TSHZ2: variants seen among roughly 807,000 people sequenced by gnomAD.
TSHZ2 encodes teashirt zinc finger homeobox 2.
A neutral mutation model predicts 74.4 loss-of-function variants in TSHZ2; 21 were observed. The ratio of observed to expected loss-of-function variants is 0.28; its 90% CI spans 0.20 to 0.41. The LOEUF (loss-of-function observed/expected upper bound fraction) is 0.41. TSHZ2 is among the 10% of genes least tolerant of loss of function. The pLI, the probability that TSHZ2 is intolerant of heterozygous loss-of-function variation, is 1.00. For missense variants in TSHZ2, 1,244 were observed against 1,293.5 expected (o/e 0.96, Z 0.59); for synonymous variants, 540 against 515.3 (o/e 1.05, Z -0.65).
intron 1 of TSHZ2, among the ~76,000 whole-genome samples, chr20:53,032,934 G>A (rs759039811): frequency 7.2e-5 from 11 of 151,988 alleles, no homozygotes; most frequent in South Asian, 2.1e-4. Flanking sequence ...GATAATAATC[G>A]TTCATACCCA....
At chr20:53,200,240 C>A (rs1568808532) in intron 1 of TSHZ2, among the ~76,000 whole-genome samples, 1 of 152,160 alleles carries the variant, frequency 6.6e-6, no homozygotes, top group South Asian at 2.1e-4. Context: ...TGCCTCTCCT[C>A]CCTGCCACAG....
intron 2 of TSHZ2, among the ~76,000 whole-genome samples, chr20:53,274,082 C>A (rs185315850): frequency 2.0e-5 from 3 of 152,228 alleles, no homozygotes; most frequent in Admixed American, 6.5e-5. Context: ...AGATCGAGAC[C>A]ATCCTGGTGA....
At chr20:53,215,252 C>T (rs966900857) in intron 1 of TSHZ2, among the ~76,000 whole-genome samples, 4 of 152,096 alleles carry the variant, frequency 2.6e-5, no homozygotes, top group African/African-American at 9.7e-5. Flanking sequence ...CACATCATCC[C>T]AAGATCACAA....
intron 1 of TSHZ2, among the ~76,000 whole-genome samples, chr20:53,200,646 A>G (rs1988980907): frequency 6.7e-6 from 1 of 148,882 alleles, no homozygotes; most frequent in African/African-American, 2.5e-5. Context: ...GATTTGGGGG[A>G]TTTTTGTTTG....
intron 1 of TSHZ2, among the ~76,000 whole-genome samples, chr20:53,053,798 C>G (rs773491028): frequency 6.6e-6 from 1 of 152,170 alleles, no homozygotes; most frequent in African/African-American, 2.4e-5. Flanking sequence ...AAAGTCTGCT[C>G]AGGCTTTTAT....
At chr20:53,177,171 A>G (rs1336894945) in intron 1 of TSHZ2, among the ~76,000 whole-genome samples, 6 of 152,180 alleles carry the variant, frequency 3.9e-5, no homozygotes, top group Admixed American at 2.6e-4. Flanking sequence ...GGTGTGAACC[A>G]CTGCATCCAA....
At chr20:52,992,317 C>T (rs1982023741) in intron 1 of TSHZ2, among the ~76,000 whole-genome samples, 1 of 152,148 alleles carries the variant, frequency 6.6e-6, no homozygotes, top group African/African-American at 2.4e-5. Flanking sequence ...TATTTAGATA[C>T]CCCAGTTATT....
At chr20:53,457,769 A>G (rs370308560) in intron 2 of TSHZ2, among the ~76,000 whole-genome samples, 12 of 151,746 alleles carry the variant, frequency 7.9e-5, no homozygotes, top group East Asian at 3.9e-4. Flanking sequence ...TTAGCATGAA[A>G]GGTTGTTGAA....
chr20:53,256,585 C>G lies in TSHZ2; in HGVS notation c.*8+14C>G. Reference sequence around the variant, plus strand: ...ATAGCTCTGCAGGTATGGGTTTGCTCTGAGGCATTGCGATTAGCCTGGTGA... The same window carrying G: ...ATAGCTCTGCAGGTATGGGTTTGCTGTGAGGCATTGCGATTAGCCTGGTGA... On this transcript the variant is annotated intron_variant, in intron 2 of 2. Transcript: ENST00000371497. This position sits in a 1 kb window ranked among gnomAD's most constrained non-coding sequence, Gnocchi z 4.3. 1.3e-6 allele frequency: 2 copies of G among 1,548,014 alleles called. No homozygotes were observed. The highest frequency in any genetic ancestry group is 1.7e-6 in the Non-Finnish European group (2 of 1,143,310).
intron 1 of TSHZ2, among the ~76,000 whole-genome samples, chr20:53,071,794 AC>A (rs1273932730): frequency 6.6e-6 from 1 of 152,012 alleles, no homozygotes; most frequent in Non-Finnish European, 1.5e-5. Context: ...TCCCCTGAAT[AC>A]CCCTGGAGAG....
At chr20:53,190,167 A>G (rs1436016438) in intron 1 of TSHZ2, among the ~76,000 whole-genome samples, 1 of 123,162 alleles carries the variant, frequency 8.1e-6, no homozygotes, top group African/African-American at 3.0e-5. Flanking sequence ...TTCTTTTTGT[A>G]TATCGCTATC....
chr20:53,038,595 C>T (rs1983912974), intron 1 of TSHZ2, among the ~76,000 whole-genome samples: 1 of 152,176 alleles, frequency 6.6e-6, no homozygotes, highest in Non-Finnish European at 1.5e-5. Flanking sequence ...TTAGGTGCCT[C>T]CCCAAGCTCT....
rs57243805 is a variant in TSHZ2 at position 53,246,040 on chromosome 20, C to CTTTTTTTTTTTTTTTTTTTTTTTTTTT, written c.41-7446_41-7445insTTTTTTTTTTTTTTTTTTTTTTTTTTT. ...TGTGCTTTTCTTTCTTTCTTTCTTT[C>CTTTTTTTTTTTTTTTTTTTTTTTTTTT]TTTTTTTTTTTTTGTTTGAGACAGA... On this transcript the variant is annotated intron_variant, in intron 1 of 2. Transcript: ENST00000371497. Among the ~76,000 whole-genome samples, 141 of 130,542 alleles carry CTTTTTTTTTTTTTTTTTTTTTTTTTTT rather than the reference C, an allele frequency of 1.1e-3. 1 individual carries two copies. The highest frequency in any genetic ancestry group is 4.1e-3 in the Middle Eastern group (1 of 246). 85.6% of individuals were successfully genotyped at this position (130,542 alleles called of 152,430 possible). A position where few individuals can be genotyped will look rare whatever the true frequency, so the allele number is the denominator to read the frequency against.
In TSHZ2 at chr20:53,179,838, G is replaced by T. The variant is rs562448919; in HGVS notation, c.41-73661G>T. ...AAATGCCAGCTTTTTTATCGTCAAG[G>T]TAACGATAAGAGATTCACTAGAATT... is the stretch of plus-strand genomic sequence containing the variant. On this transcript the variant is annotated intron_variant, in intron 1 of 2. Transcript: ENST00000371497. Among the ~76,000 whole-genome samples, 25 of 152,212 alleles carry T rather than the reference G, an allele frequency of 1.6e-4. No homozygotes were observed. In the East Asian group the frequency reaches 4.6e-3, roughly 28 times the overall value.
chr20:53,206,083 G>C (rs1167995200), intron 1 of TSHZ2, among the ~76,000 whole-genome samples: 1 of 152,140 alleles, frequency 6.6e-6, no homozygotes, highest in African/African-American at 2.4e-5. Flanking sequence ...GCCAGGTGTG[G>C]TGGCACGAGC....
intron 2 of TSHZ2, among the ~76,000 whole-genome samples, chr20:53,463,513 T>G: frequency 6.6e-6 from 1 of 151,128 alleles, no homozygotes. Context: ...AAGAGAGGAA[T>G]GTCGTAGAAT....
intron 1 of TSHZ2, among the ~76,000 whole-genome samples, chr20:53,094,051 G>A (rs950768192): frequency 6.7e-6 from 1 of 150,042 alleles, no homozygotes; most frequent in Non-Finnish European, 1.5e-5. Context: ...GCCAAATTTG[G>A]CCCTCCGCCT....
intron 2 of TSHZ2, among the ~76,000 whole-genome samples, chr20:53,292,983 TTGG>T (rs1185968908): frequency 6.6e-6 from 1 of 152,202 alleles, no homozygotes. Flanking sequence ...AATCTCATCA[TTGG>T]TCCATTCACA....
At chr20:53,125,460 G>A (rs1241408261) in intron 1 of TSHZ2, among the ~76,000 whole-genome samples, 1 of 152,152 alleles carries the variant, frequency 6.6e-6, no homozygotes, top group East Asian at 1.9e-4. Flanking sequence ...GAAGCTTTTA[G>A]AACATTGCCT....
Sources: gnomAD v4.1 joint callset for allele counts (sites outside exome capture counted in the v4.1 genomes callset) on GRCh38, gnomAD v4.1.1 for gene constraint, Gnocchi (gnomAD v3.1) non-coding constraint, MANE v1.5 for transcripts, NCBI Gene and HGNC (gene_info 2026-07-23, HGNC 2026-07-21) for gene names.